Variants in C6orf52 observed in about 807,000 individuals in gnomAD.
C6orf52 encodes putative uncharacterized protein C6orf52.
A neutral mutation model predicts 16.6 loss-of-function variants in C6orf52; 16 were observed. That is an observed-to-expected ratio of 0.96 (90% CI 0.65 to 1.46). The LOEUF (loss-of-function observed/expected upper bound fraction) is 1.46, where lower values mean the gene tolerates loss of function less well. Among genes scored for constraint, C6orf52 ranks in the 40% most tolerant of loss-of-function variants. C6orf52 has a pLI of 0.00. For synonymous variants in C6orf52, 53 were observed against 61.4 expected (o/e 0.86, Z 0.64); for missense variants, 166 against 182.3 (o/e 0.91, Z 0.52).
At chr6:10,684,804 A>C (rs1004700182) in intron 3 of C6orf52, 41 of 1,213,590 alleles carry the variant, frequency 3.4e-5, no homozygotes, top group Non-Finnish European at 4.0e-5. Context: ...GGAGAAGACC[A>C]AAATGGGGAT....
intron 4 of C6orf52, chr6:10,672,729 G>A (rs1767541359): frequency 2.0e-6 from 1 of 510,586 alleles, no homozygotes; most frequent in South Asian, 3.0e-5. Context: ...GTCAAGTGTG[G>A]AAACAGCAAG....
At chr6:10,684,961 G>A (rs187931902) in intron 3 of C6orf52, 39 of 1,158,620 alleles carry the variant, frequency 3.4e-5, no homozygotes, top group Admixed American at 6.0e-5. Flanking sequence ...TATAATTCTT[G>A]TATGAAAAAT....
intron 1 of C6orf52, among the ~76,000 whole-genome samples, chr6:10,688,165 G>C (rs1364548193): frequency 1.3e-5 from 2 of 151,730 alleles, no homozygotes; most frequent in Non-Finnish European, 2.9e-5. Flanking sequence ...TGAGAGTACA[G>C]GATACAATTT....
At chr6:10,686,326 T>C (rs780067442) in intron 3 of C6orf52, among the ~76,000 whole-genome samples, 20 of 152,086 alleles carry the variant, frequency 1.3e-4, no homozygotes, top group African/African-American at 1.7e-4. Context: ...ATGAACCACA[T>C]TGATTTAGCA....
At chr6:10,671,744 T>C in intron 4 of C6orf52, 146 bp from the exon 5 acceptor site, 1 of 509,118 alleles carries the variant, frequency 2.0e-6, no homozygotes, top group Non-Finnish European at 3.4e-6. Context: ...GCATATTTCC[T>C]TTCAATAAGA....
intron 3 of C6orf52, 134 bp downstream of exon 3, chr6:10,686,832 A>C (rs189574651): frequency 1.6e-6 from 1 of 644,838 alleles, no homozygotes; most frequent in Admixed American, 3.3e-5. Context: ...TTTACTCTCT[A>C]GTATTAAAAC....
At chr6:10,688,054 G>A (rs1479715206) in intron 1 of C6orf52, among the ~76,000 whole-genome samples, 1 of 152,124 alleles carries the variant, frequency 6.6e-6, no homozygotes, top group African/African-American at 2.4e-5. Context: ...TTCCACGCAG[G>A]TTGAAAGCAT....
chr6:10,679,568 T>TAAA (rs1005395904), intron 4 of C6orf52, among the ~76,000 whole-genome samples: 1 of 120,444 alleles, frequency 8.3e-6, no homozygotes, highest in African/African-American at 5.1e-5. Flanking sequence ...TCTAACTTGT[T>TAAA]AAAAAAAAAA....
intron 4 of C6orf52, among the ~76,000 whole-genome samples, chr6:10,680,475 T>G (rs1768282886): frequency 6.6e-6 from 1 of 152,180 alleles, no homozygotes; most frequent in Admixed American, 6.5e-5. Flanking sequence ...TTGGTTGTAG[T>G]TTTTTCTTGT....
intron 3 of C6orf52, among the ~76,000 whole-genome samples, 185 bp downstream of exon 3, chr6:10,686,781 C>T (rs888245079): frequency 6.6e-6 from 1 of 152,112 alleles, no homozygotes; most frequent in Non-Finnish European, 1.5e-5. Context: ...GTGTATTATA[C>T]CTCAATAAAG....
intron 4 of C6orf52, among the ~76,000 whole-genome samples, chr6:10,678,133 G>T (rs575942969): frequency 6.9e-6 from 1 of 145,500 alleles, no homozygotes; most frequent in African/African-American, 2.6e-5. Context: ...GCAGTGAGCC[G>T]AGCTCAAACA....
chr6:10,683,218 T>C lies in C6orf52; in HGVS notation c.285A>G (p.Leu95=). 2.6e-6 allele frequency: 4 copies of C among 1,546,868 alleles called. No homozygotes were observed. The highest frequency in any genetic ancestry group is 3.5e-6 in the Non-Finnish European group (4 of 1,143,798). ...TLVMPKETTP[L]AENQDEDPLE... ...GTGGGTCTTCATCTTGGTTTTCAGC[T>C]AGAGGTGTGGTTTCCTGCAACAAAA... The change falls in exon 4 of 5, where the codon CTA becomes CTG. Residue 95 remains leucine, a synonymous_variant. Transcript: ENST00000259983.
In C6orf52 at chr6:10,683,487, C is replaced by T. The variant is rs1768585974; in HGVS notation, c.271-255G>A. ...GAACAAGCCTAACGAGGGCCCCTGG[C>T]CCCTGGATTTTCTGGGACCTAACTA... On this transcript the variant is annotated intron_variant, in intron 3 of 4. Transcript: ENST00000259983. Among the ~76,000 whole-genome samples, 3 of 152,152 alleles carry T rather than the reference C, an allele frequency of 2.0e-5. No homozygotes were observed. The South Asian group carries it at 6.2e-4, about 32-fold the overall frequency.
chr6:10,684,018 TCTA>T (rs1291545556), intron 3 of C6orf52, among the ~76,000 whole-genome samples: 1 of 152,210 alleles, frequency 6.6e-6, no homozygotes, highest in Non-Finnish European at 1.5e-5. Flanking sequence ...GAGCCAAAGA[TCTA>T]CTATCTTTTC....
At chr6:10,690,921 T>C (rs1769236841) in intron 1 of C6orf52, among the ~76,000 whole-genome samples, 1 of 150,496 alleles carries the variant, frequency 6.6e-6, no homozygotes, top group Admixed American at 6.6e-5. Flanking sequence ...ATAATTCTCT[T>C]TTGTCTTTCT....
rs752989498 is a variant in C6orf52, at chr6:10,694,584, G to A, written c.-102C>T. On this transcript the variant is annotated 5_prime_UTR_variant, in exon 1 of 5. Coordinates refer to ENST00000259983, the MANE Select transcript of C6orf52 (RefSeq NM_001145020.3). ...CAGCCCACAACAATGCACGCTGCCG[G>A]CGCTACAGCCCCTAAGCAACCGGCC... 102 of 171,832 alleles carry A rather than the reference G, an allele frequency of 5.9e-4. No individual in the cohort carries two copies. Among genetic ancestry groups the A allele is most frequent in the South Asian group, 2.9e-3 (27 of 9,170 alleles). The allele number at this position is 171,832 out of a possible 1,614,324, so 10.6% of individuals were successfully genotyped here. A position where few individuals can be genotyped will look rare whatever the true frequency, so the allele number is the denominator to read the frequency against.
intron 1 of C6orf52, 73 bp downstream of exon 1, chr6:10,694,421 A>G (rs57958522): frequency 0.078 from 12,023 of 154,554 alleles, 1,383 homozygotes; most frequent in African/African-American, 0.26. Context: ...TAGCACTCCG[A>G]GTCCGTCAAG....
chr6:10,692,344 C>T (rs979414388), intron 1 of C6orf52, among the ~76,000 whole-genome samples: 2 of 152,148 alleles, frequency 1.3e-5, no homozygotes, highest in Non-Finnish European at 2.9e-5. Context: ...TAGTGGTTCT[C>T]TGGTGGAAAC....
At chr6:10,690,893 A>G (rs760649222) in intron 1 of C6orf52, among the ~76,000 whole-genome samples, 4 of 152,210 alleles carry the variant, frequency 2.6e-5, no homozygotes, top group Non-Finnish European at 5.9e-5. Flanking sequence ...CTCAGTTCCA[A>G]TCCAGTTAAA....
Sources: gnomAD v4.1 joint callset for allele counts (sites outside exome capture counted in the v4.1 genomes callset) on GRCh38, gnomAD v4.1.1 for gene constraint, MANE v1.5 for transcripts, NCBI Gene and HGNC (gene_info 2026-07-23, HGNC 2026-07-21) for gene names.